Variants in POU2AF2 observed in about 807,000 individuals in gnomAD.
POU2AF2 encodes the protein POU class 2 homeobox associating factor 2.
chr11:111,281,467 T>G, the POU2AF2 span: 1 of 1,610,448 alleles, frequency 6.2e-7, no homozygotes, highest in Non-Finnish European at 8.5e-7. Context: ...AATAAGCAAT[T>G]ATTCCCTTTT....
chr11:111,275,684 T>C, the POU2AF2 span, among the ~76,000 whole-genome samples: 1 of 152,100 alleles, frequency 6.6e-6, no homozygotes. Context: ...ACATGAACAA[T>C]AGACAATAAA....
chr11:111,275,533 C>G, the POU2AF2 span, among the ~76,000 whole-genome samples: 4 of 152,054 alleles, frequency 2.6e-5, no homozygotes, highest in Non-Finnish European at 5.9e-5. Context: ...CATCTGGCTC[C>G]CCATAGATAG....
At chr11:111,265,529 G>C in the POU2AF2 span, among the ~76,000 whole-genome samples, 1 of 152,108 alleles carries the variant, frequency 6.6e-6, no homozygotes, top group Non-Finnish European at 1.5e-5. Context: ...TATGTAAATG[G>C]GAACGGTGAT....
chr11:111,260,599 G>T, the POU2AF2 span, among the ~76,000 whole-genome samples: 1 of 152,166 alleles, frequency 6.6e-6, no homozygotes, highest in Non-Finnish European at 1.5e-5. Flanking sequence ...AGAGATTGGA[G>T]TGATGAGGCC....
the POU2AF2 span, among the ~76,000 whole-genome samples, chr11:111,273,079 C>T: frequency 6.6e-6 from 1 of 152,146 alleles, no homozygotes; most frequent in African/African-American, 2.4e-5. Flanking sequence ...TAAATCAAAA[C>T]CTGTTTCAAA....
the POU2AF2 span, among the ~76,000 whole-genome samples, chr11:111,252,938 C>T: frequency 2.0e-5 from 3 of 152,280 alleles, no homozygotes; most frequent in East Asian, 5.8e-4. Context: ...CCACCCCGCA[C>T]TTCTGAGTTA....
the POU2AF2 span, chr11:111,281,441 G>A: frequency 6.2e-7 from 1 of 1,613,728 alleles, no homozygotes; most frequent in Non-Finnish European, 8.5e-7. Flanking sequence ...CAGATGCCAG[G>A]TGAGTACTTT....
chr11:111,262,846 T>C, the POU2AF2 span, among the ~76,000 whole-genome samples: 1 of 152,218 alleles, frequency 6.6e-6, no homozygotes, highest in South Asian at 2.1e-4. Flanking sequence ...ATGGGATACA[T>C]ATATATAGTA....
chr11:111,254,934 A>G, the POU2AF2 span, among the ~76,000 whole-genome samples: 1 of 152,224 alleles, frequency 6.6e-6, no homozygotes, highest in Admixed American at 6.5e-5. Flanking sequence ...CAACAATTAT[A>G]ATAATTATAG....
chr11:111,264,564 GAAA>G, the POU2AF2 span, among the ~76,000 whole-genome samples: 3 of 46,062 alleles, frequency 6.5e-5, no homozygotes, highest in East Asian at 4.8e-4. Flanking sequence ...AAGAAAGAAA[GAAA>G]GAAAGAAAGG....
chr11:111,274,153 G>A, the POU2AF2 span, among the ~76,000 whole-genome samples: 7 of 152,192 alleles, frequency 4.6e-5, no homozygotes, highest in South Asian at 2.1e-4. Flanking sequence ...CTCCTGACCC[G>A]TGAAATCTGG....
At chr11:111,262,523 G>A in the POU2AF2 span, among the ~76,000 whole-genome samples, 4 of 152,220 alleles carry the variant, frequency 2.6e-5, no homozygotes, top group Admixed American at 2.6e-4. Context: ...TTCTTGTGAA[G>A]TATTAAGAGG....
the POU2AF2 span, among the ~76,000 whole-genome samples, chr11:111,257,913 T>G: frequency 6.6e-6 from 1 of 151,790 alleles, no homozygotes; most frequent in African/African-American, 2.4e-5. Context: ...AGGCCAGGAG[T>G]TCCAGACCAG....
chr11:111,280,648 G>C, the POU2AF2 span, among the ~76,000 whole-genome samples: 4 of 152,142 alleles, frequency 2.6e-5, no homozygotes, highest in Admixed American at 2.6e-4. Flanking sequence ...CAGTGCTTGT[G>C]TTCAAGTCAC....
At chr11:111,262,154 T>C in the POU2AF2 span, among the ~76,000 whole-genome samples, 8 of 152,188 alleles carry the variant, frequency 5.3e-5, no homozygotes, top group Non-Finnish European at 8.8e-5. Context: ...GTCAGCTGGG[T>C]TTCTTGGTTA....
the POU2AF2 span, among the ~76,000 whole-genome samples, chr11:111,274,758 CT>C: frequency 1.3e-5 from 2 of 151,734 alleles, no homozygotes; most frequent in East Asian, 3.8e-4. Flanking sequence ...AACTAGGATG[CT>C]TTTCTATTTT....
the POU2AF2 span, among the ~76,000 whole-genome samples, chr11:111,268,486 TATTTTA>T: frequency 1.5e-4 from 6 of 40,712 alleles, 2 homozygotes; most frequent in Non-Finnish European, 2.5e-4. Flanking sequence ...TTTTTTATTT[TATTTTA>T]TTTTATTTTA....
chr11:111,285,864 C>G, the POU2AF2 span: 1 of 1,610,166 alleles, frequency 6.2e-7, no homozygotes, highest in Non-Finnish European at 8.5e-7. Context: ...CACCACACTC[C>G]GGGGTACCCT....
chr11:111,256,315 T>C, the POU2AF2 span, among the ~76,000 whole-genome samples: 6,404 of 152,320 alleles, frequency 0.042, 350 homozygotes, highest in East Asian at 0.27. Context: ...AATCTCATCC[T>C]AGTCTATTTA....
Sources: gnomAD v4.1 joint callset for allele counts (sites outside exome capture counted in the v4.1 genomes callset) on GRCh38, gnomAD v4.1.1 for gene constraint, MANE v1.5 for transcripts, NCBI Gene and HGNC (gene_info 2026-07-23, HGNC 2026-07-21) for gene names.